C1orf87: variants seen among roughly 807,000 people sequenced by gnomAD.
The protein encoded by C1orf87 is uncharacterized protein C1orf87.
Under a neutral mutation model 60.5 loss-of-function variants are expected in C1orf87, and 58 were observed. The observed-to-expected ratio is 0.96, with a 90% confidence interval of 0.78 to 1.19. C1orf87 has a LOEUF of 1.19. C1orf87 is among the 50% of genes most tolerant of loss of function. The pLI, the probability that C1orf87 is intolerant of heterozygous loss-of-function variation, is 0.00. For synonymous variants in C1orf87, 236 were observed against 227.4 expected (o/e 1.04, Z -0.34); for missense variants, 673 against 638.6 (o/e 1.05, Z -0.58).
chr1:60,016,843 C>T (rs1401577523), intron 8 of C1orf87, among the ~76,000 whole-genome samples: 1 of 152,170 alleles, frequency 6.6e-6, no homozygotes, highest in South Asian at 2.1e-4. Flanking sequence ...GGCAAGAGAT[C>T]CTAAACTCAA....
rs184624434 is a variant in C1orf87 at position 60,065,156 on chromosome 1, A to T, written c.107+7381T>A. 1.5e-3 allele frequency among the ~76,000 whole-genome samples: 219 copies of T among 146,816 alleles called. 1 individual carries two copies. Among genetic ancestry groups the T allele is most frequent in the African/African-American group, 5.5e-3 (217 of 39,558 alleles). On this transcript the variant is annotated intron_variant, in intron 2 of 11. Transcript: ENST00000371201. ...GCAACCTTATACAAAAAGAAAAAAAAATTACCTGGGCTCCAGGCAGTCAAC... is the reference window on the plus strand; with the variant it reads ...GCAACCTTATACAAAAAGAAAAAAATATTACCTGGGCTCCAGGCAGTCAAC...
chr1:60,036,093 T>C (rs565527392), intron 6 of C1orf87, among the ~76,000 whole-genome samples: 2 of 152,302 alleles, frequency 1.3e-5, no homozygotes, highest in South Asian at 4.1e-4. Flanking sequence ...TTTCTAGGGC[T>C]TTATGGCTCT....
chr1:60,008,744 C>T (rs1645063366), intron 9 of C1orf87: 2 of 451,742 alleles, frequency 4.4e-6, no homozygotes, highest in South Asian at 1.6e-5. Context: ...CGTGACATCA[C>T]TTCAATGGTC....
intron 10 of C1orf87, among the ~76,000 whole-genome samples, chr1:59,998,211 G>A (rs1188326209): frequency 1.3e-5 from 2 of 152,250 alleles, no homozygotes; most frequent in African/African-American, 2.4e-5. Flanking sequence ...ATGAGTGTGA[G>A]GTTTTTGACA....
In C1orf87 at chr1:60,072,636, G is replaced by T; in HGVS notation, c.8C>A (p.Ser3Ter). 1 of 1,608,096 alleles carries T rather than the reference G, an allele frequency of 6.2e-7. No homozygotes were observed. Among genetic ancestry groups the T allele is most frequent in the Non-Finnish European group, 8.5e-7 (1 of 1,178,096 alleles). Residue 3 changes from serine (S) to a stop codon, truncating the protein, a stop_gained, in exon 2 of 12, where the codon TCA (serine) becomes TAA (stop). Coordinates refer to ENST00000371201, the MANE Select transcript of C1orf87 (RefSeq NM_152377.3). LOFTEE classifies it high-confidence loss of function. The part of the protein sequence containing the change: MS[S>*]AWKTPRGSDA... Reference sequence around the variant, plus strand: ...TGATCCACGGGGAGTCTTCCAGGCTGAAGACATGATTCCTTTCAAAATCCC... The same window carrying T: ...TGATCCACGGGGAGTCTTCCAGGCTTAAGACATGATTCCTTTCAAAATCCC...
chr1:60,035,236 A>G (rs1439747876), intron 6 of C1orf87, among the ~76,000 whole-genome samples: 1 of 152,194 alleles, frequency 6.6e-6, no homozygotes, highest in Non-Finnish European at 1.5e-5. Context: ...CCAGATCTGA[A>G]TCATAAGTCT....
intron 8 of C1orf87, among the ~76,000 whole-genome samples, chr1:60,014,995 A>C (rs1645115779): frequency 6.6e-6 from 1 of 152,200 alleles, no homozygotes; most frequent in Non-Finnish European, 1.5e-5. Context: ...CCTCTACTTC[A>C]GTCAAGGGAA....
intron 2 of C1orf87, among the ~76,000 whole-genome samples, chr1:60,065,261 G>A (rs952665396): frequency 6.6e-6 from 1 of 151,032 alleles, no homozygotes; most frequent in Non-Finnish European, 1.5e-5. Flanking sequence ...GTGAATAGTT[G>A]CAGCCTCTTT....
chr1:60,010,907 TAA>T (rs3990336), intron 8 of C1orf87: 56,403 of 139,586 alleles, frequency 0.4, 11,182 homozygotes, highest in South Asian at 0.56. Context: ...AATAAATAAA[TAA>T]ATAAAAACTG....
chr1:60,045,181 T>C (rs1645357314), intron 3 of C1orf87, among the ~76,000 whole-genome samples: 1 of 152,296 alleles, frequency 6.6e-6, no homozygotes, highest in East Asian at 1.9e-4. Flanking sequence ...AAAAGTTCTG[T>C]TTCTTAAACA....
intron 7 of C1orf87, among the ~76,000 whole-genome samples, chr1:60,033,084 A>G (rs111589017): frequency 1.3e-5 from 2 of 152,312 alleles, no homozygotes; most frequent in African/African-American, 4.8e-5. Context: ...ATTGGCAGTA[A>G]ATTACATCGG....
At chr1:60,066,310 A>G (rs1574331467) in intron 2 of C1orf87, among the ~76,000 whole-genome samples, 1 of 152,160 alleles carries the variant, frequency 6.6e-6, no homozygotes, top group African/African-American at 2.4e-5. Flanking sequence ...ATTGGAATCA[A>G]TCCTCTCAAT....
At chr1:60,014,760 A>G (rs1184753911) in intron 8 of C1orf87, among the ~76,000 whole-genome samples, 1 of 152,146 alleles carries the variant, frequency 6.6e-6, no homozygotes, top group South Asian at 2.1e-4. Flanking sequence ...TATGTACAGT[A>G]TGTAGTTCTC....
At chr1:60,010,826 A>T (rs1452751581) in intron 8 of C1orf87, 1 of 153,934 alleles carries the variant, frequency 6.5e-6, no homozygotes, top group Non-Finnish European at 1.4e-5. Flanking sequence ...AAAACAAAAC[A>T]AAACAAAAAA....
intron 3 of C1orf87, among the ~76,000 whole-genome samples, chr1:60,049,485 A>G (rs1480771926): frequency 6.6e-6 from 1 of 152,098 alleles, no homozygotes; most frequent in Non-Finnish European, 1.5e-5. Context: ...AGAATATTCT[A>G]TAGATGAGAG....
At chr1:60,036,895 G>T (rs764920185) in intron 6 of C1orf87, among the ~76,000 whole-genome samples, 7 of 152,136 alleles carry the variant, frequency 4.6e-5, no homozygotes, top group Non-Finnish European at 7.3e-5. Context: ...TGCGACTCAG[G>T]AGCTGACTGA....
chr1:60,067,709 A>G (rs990101882), intron 2 of C1orf87, among the ~76,000 whole-genome samples: 2 of 151,966 alleles, frequency 1.3e-5, no homozygotes, highest in African/African-American at 4.8e-5. Flanking sequence ...TTTGCTGTGC[A>G]GAAGTTCTTT....
Position 59,990,581 on chromosome 1 carries a change from C to A in C1orf87, c.*92G>T, listed in dbSNP as rs1426140305. ...TGCATCGGCCTCCACTCTGACAATG[C>A]CTCCGCCACTACACTTAGGCTGGGG... On this transcript the variant is annotated 3_prime_UTR_variant, in exon 12 of 12. Transcript: ENST00000371201. The A allele has an allele frequency of 1.8e-5, 27 of 1,461,916 alleles. No homozygotes were observed. The Admixed American group carries it at 4.9e-4, about 26-fold the overall frequency. The allele number at this position is 1,461,916 out of a possible 1,614,324, so 90.6% of individuals were successfully genotyped here. A position where few individuals can be genotyped will look rare whatever the true frequency, so the allele number is the denominator to read the frequency against.
At chr1:60,060,336 T>G (rs1195789386) in intron 2 of C1orf87, among the ~76,000 whole-genome samples, 1 of 152,072 alleles carries the variant, frequency 6.6e-6, no homozygotes, top group Non-Finnish European at 1.5e-5. Flanking sequence ...AGCTGTGAGA[T>G]GAGAAAAAAT....
Sources: allele counts gnomAD v4.1 joint callset (sites outside exome capture counted in the v4.1 genomes callset), GRCh38; gene constraint gnomAD v4.1.1; transcripts MANE v1.5; gene names NCBI Gene and HGNC (gene_info 2026-07-23, HGNC 2026-07-21).